The following LDLRAD4 variants were observed in gnomAD, a reference collection of about 807,000 sequenced individuals.
LDLRAD4 encodes low-density lipoprotein receptor class A domain-containing protein 4.
Under a neutral mutation model 17.0 loss-of-function variants are expected in LDLRAD4, and 5 were observed. The observed-to-expected ratio is 0.29, with a 90% CI of 0.15 to 0.62. The LOEUF is 0.62. LDLRAD4 is among the 20% of genes least tolerant of loss of function. LDLRAD4 has a pLI of 0.84. For missense variants in LDLRAD4, 340 were observed against 424.7 expected, an observed-to-expected ratio of 0.80 and a Z score of 1.75; for synonymous variants, 168 against 171.8, an observed-to-expected ratio of 0.98 and a Z score of 0.17.
intron 3 of LDLRAD4, among the ~76,000 whole-genome samples, chr18:13,584,782 C>T (rs2094912829): frequency 1.3e-5 from 2 of 152,176 alleles, no homozygotes; most frequent in South Asian, 2.1e-4. Context: ...TCTCCTGATA[C>T]ACTGTAGAAC....
intron 1 of LDLRAD4, among the ~76,000 whole-genome samples, chr18:13,334,325 C>A (rs1049696435): frequency 6.6e-6 from 1 of 152,106 alleles, no homozygotes; most frequent in Admixed American, 6.5e-5. Flanking sequence ...ACAACCTCCA[C>A]CTCCTGGGTT....
At chr18:13,305,272 GA>G (rs2046845724) in intron 1 of LDLRAD4, among the ~76,000 whole-genome samples, 1 of 152,104 alleles carries the variant, frequency 6.6e-6, no homozygotes. Context: ...ATTTGCAGTC[GA>G]GAAATGTAAC....
intron 1 of LDLRAD4, among the ~76,000 whole-genome samples, chr18:13,222,861 T>C (rs896858846): frequency 6.6e-6 from 1 of 152,234 alleles, no homozygotes; most frequent in African/African-American, 2.4e-5. Flanking sequence ...CTCAACTTTG[T>C]TCTTAGCTGC....
chr18:13,543,460 G>A (rs142541849), intron 3 of LDLRAD4: 2 of 152,272 alleles, frequency 1.3e-5, no homozygotes, highest in Non-Finnish European at 2.9e-5. Flanking sequence ...GGCAGGACAA[G>A]GGACATGGAA....
intron 4 of LDLRAD4, among the ~76,000 whole-genome samples, chr18:13,630,678 A>G (rs931411681): frequency 6.6e-6 from 1 of 152,198 alleles, no homozygotes. Context: ...GTTTCCCCCC[A>G]TCTAAAATGA....
chr18:13,509,984 G>A (rs958364250), intron 3 of LDLRAD4, among the ~76,000 whole-genome samples: 12 of 152,218 alleles, frequency 7.9e-5, no homozygotes, highest in African/African-American at 2.7e-4. Flanking sequence ...GCTGTCACAC[G>A]CTAGAGAGAC....
intron 1 of LDLRAD4, among the ~76,000 whole-genome samples, chr18:13,380,256 G>A (rs2145069160): frequency 6.6e-6 from 1 of 152,380 alleles, no homozygotes; most frequent in South Asian, 2.1e-4. Context: ...GCCCTGGAAA[G>A]CAGAGATCTT....
In LDLRAD4 at chr18:13,387,765, G is replaced by T; in HGVS notation, c.40+3G>T. The T allele has an allele frequency of 6.2e-7, 1 of 1,613,500 alleles. No homozygotes were observed. Among genetic ancestry groups the T allele is most frequent in the South Asian group, 1.1e-5 (1 of 91,072 alleles). On this transcript the variant is annotated splice_donor_region_variant and intron_variant, in intron 2 of 5. Coordinates refer to ENST00000359446, the Ensembl canonical transcript of LDLRAD4. ...TCAGGCCACAAATGCTTTCACAGGT[G>T]AGCATGCTCCAGGTAATCCGAGGCT...
intron 4 of LDLRAD4, among the ~76,000 whole-genome samples, chr18:13,634,881 A>G (rs1030246020): frequency 2.0e-5 from 3 of 152,182 alleles, no homozygotes; most frequent in African/African-American, 7.2e-5. Flanking sequence ...GATATAGACA[A>G]ATATATAGAC....
chr18:13,260,375 G>C (rs930747833), intron 1 of LDLRAD4, among the ~76,000 whole-genome samples: 3 of 152,214 alleles, frequency 2.0e-5, no homozygotes, highest in Non-Finnish European at 4.4e-5. Context: ...CTGGAAATCT[G>C]GCTTTGTCTC....
rs2084173928 is a variant in LDLRAD4 at position 13,367,825 on chromosome 18, G to T, written c.-382-19516G>T. 2.6e-5 allele frequency among the ~76,000 whole-genome samples: 4 copies of T among 151,926 alleles called. No individual in the cohort carries two copies. Among genetic ancestry groups the T allele is most frequent in the Non-Finnish European group, 1.5e-5 (1 of 67,968 alleles). The stretch of plus-strand genomic sequence containing the variant: ...TTCAGGGGATGTACTGAGAGAGAGG[G>T]GACAGTGGGGTGTGGGGGTGTGCTA... On this transcript the variant is annotated intron_variant, in intron 1 of 5. Coordinates refer to ENST00000359446, the Ensembl canonical transcript of LDLRAD4. This position sits in a 1 kb window ranked among gnomAD's most constrained non-coding sequence, Gnocchi z 4.1.
At chr18:13,531,557 G>A (rs536810356) in intron 3 of LDLRAD4, among the ~76,000 whole-genome samples, 2 of 146,906 alleles carry the variant, frequency 1.4e-5, no homozygotes, top group African/African-American at 5.0e-5. Flanking sequence ...ACCACTGCAC[G>A]CTAGCTTAGG....
intron 3 of LDLRAD4, among the ~76,000 whole-genome samples, chr18:13,507,810 A>G (rs1456114394): frequency 6.6e-6 from 1 of 152,198 alleles, no homozygotes; most frequent in African/African-American, 2.4e-5. Context: ...GAATATTGAA[A>G]TTAGGACAAA....
chr18:13,434,460 A>C (rs1001102891), intron 2 of LDLRAD4, among the ~76,000 whole-genome samples: 1 of 152,196 alleles, frequency 6.6e-6, no homozygotes, highest in African/African-American at 2.4e-5. Flanking sequence ...GGTTGCCATG[A>C]ATTTGTCACC....
chr18:13,379,307 C>T (rs1246554116), intron 1 of LDLRAD4, among the ~76,000 whole-genome samples: 4 of 152,254 alleles, frequency 2.6e-5, no homozygotes, highest in Non-Finnish European at 5.9e-5. Context: ...GGGGCACCCC[C>T]AGGCCAGCAG....
chr18:13,564,242 GA>G (rs2094570672), intron 3 of LDLRAD4, among the ~76,000 whole-genome samples: 1 of 152,212 alleles, frequency 6.6e-6, no homozygotes, highest in Admixed American at 6.5e-5. Context: ...GATAATTATA[GA>G]AATTTTACTT....
At chr18:13,288,685 T>C (rs866897445) in intron 1 of LDLRAD4, among the ~76,000 whole-genome samples, 116 of 137,332 alleles carry the variant, frequency 8.4e-4, no homozygotes, top group Middle Eastern at 4.9e-3. Flanking sequence ...CAGACCGTGG[T>C]CACTCTGCAA....
chr18:13,423,248 T>C (rs1159646701), intron 2 of LDLRAD4, among the ~76,000 whole-genome samples: 1 of 152,010 alleles, frequency 6.6e-6, no homozygotes, highest in East Asian at 1.9e-4. Context: ...ATCCCAGCAC[T>C]TTGGGAGGCT....
At chr18:13,366,471 A>G (rs551478112) in intron 1 of LDLRAD4, among the ~76,000 whole-genome samples, 1 of 152,332 alleles carries the variant, frequency 6.6e-6, no homozygotes, top group South Asian at 2.1e-4. Context: ...CCAGATGCTC[A>G]GCTAAATTTA....
Sources: gnomAD v4.1 joint callset for allele counts (sites outside exome capture counted in the v4.1 genomes callset) on GRCh38, gnomAD v4.1.1 for gene constraint, Gnocchi (gnomAD v3.1) non-coding constraint, MANE v1.5 for transcripts, NCBI Gene and HGNC (gene_info 2026-07-23, HGNC 2026-07-21) for gene names.